The following LMBR1 variants were observed in gnomAD, a reference collection of about 807,000 sequenced individuals.
LMBR1 encodes limb development membrane protein 1, also known as limb region 1 protein homolog.
In LMBR1, 52 loss-of-function variants were observed where a neutral mutation model predicts 73.9. The ratio of observed to expected loss-of-function variants is 0.70; its 90% CI spans 0.56 to 0.89. The LOEUF (loss-of-function observed/expected upper bound fraction) is 0.89, where lower values mean the gene tolerates loss of function less well. Ranked by LOEUF, LMBR1 falls within the 40% of genes least tolerant of loss-of-function variation. LMBR1 has a pLI of 0.00. For missense variants in LMBR1, 539 were observed against 579.8 expected, an observed-to-expected ratio of 0.93 and a Z score of 0.72; for synonymous variants, 215 against 209.4, an observed-to-expected ratio of 1.03 and a Z score of -0.23.
chr7:156,776,749 C>T (rs1187995018), intron 5 of LMBR1, among the ~76,000 whole-genome samples: 2 of 152,126 alleles, frequency 1.3e-5, no homozygotes, highest in Non-Finnish European at 2.9e-5. Flanking sequence ...GAACCTTTGG[C>T]TTCCACCAGG....
intron 6 of LMBR1, 113 bp downstream of exon 6, chr7:156,763,556 A>C (rs748026164): frequency 8.3e-6 from 7 of 843,094 alleles, no homozygotes; most frequent in Non-Finnish European, 1.2e-5. Flanking sequence ...AATTAACATC[A>C]AACATCTTTG....
intron 4 of LMBR1, among the ~76,000 whole-genome samples, chr7:156,800,847 A>G (rs1830841818): frequency 6.6e-6 from 1 of 152,192 alleles, no homozygotes; most frequent in Non-Finnish European, 1.5e-5. Flanking sequence ...ATGTCAGTGG[A>G]GAAAGTCTCT....
Position 156,725,813 on chromosome 7 carries a change from G to A in LMBR1, c.1018C>T (p.Leu340Phe), listed in dbSNP as rs1463636730. 10 of 1,613,586 alleles carry A rather than the reference G, an allele frequency of 6.2e-6. No homozygotes were observed. Among genetic ancestry groups the A allele is most frequent in the Non-Finnish European group, 8.5e-6 (10 of 1,179,766 alleles). Residue 340 changes from leucine (L) to phenylalanine (F), a missense_variant, in exon 13 of 17, where the codon CTT becomes TTT. Physicochemically the swap from Leu to Phe is conservative, Grantham distance 22 (BLOSUM62 0). This residue lies in a region of LMBR1 where 454 missense variants were observed against 473.4 expected (regional missense o/e 0.96). Coordinates refer to ENST00000353442, the MANE Select transcript of LMBR1 (RefSeq NM_022458.4). The part of the protein sequence containing the change: ...TRGPGIGNAS[L>F]STFGFVGAAL... ...GCTCCCACAAAACCAAACGTAGAAA[G>A]AGAGGCATTTCCTATTCCAGGCCCC...
chr7:156,761,127 A>G (rs1197326467), intron 8 of LMBR1, among the ~76,000 whole-genome samples: 2 of 152,232 alleles, frequency 1.3e-5, no homozygotes, highest in Non-Finnish European at 2.9e-5. Flanking sequence ...AAGTTCGCTC[A>G]TGAGCTAGAG....
intron 1 of LMBR1, among the ~76,000 whole-genome samples, chr7:156,839,347 C>A (rs1838235760): frequency 6.6e-6 from 1 of 152,072 alleles, no homozygotes; most frequent in African/African-American, 2.4e-5. Context: ...CTGTGCCCAG[C>A]CGCCCATTTT....
Position 156,725,843 on chromosome 7 carries a change from G to A in LMBR1, c.994-6C>T. ...GCATTTCCTATTCCAGGCCCCTGGG[G>A]TGGGAGAAAGACACTTTTCAGAATT... On this transcript the variant is annotated splice_polypyrimidine_tract_variant and splice_region_variant and intron_variant, in intron 12 of 16. Coordinates refer to ENST00000353442, the MANE Select transcript of LMBR1 (RefSeq NM_022458.4). The A allele has an allele frequency of 6.2e-7, 1 of 1,610,238 alleles. No individual in the cohort carries two copies. The highest frequency in any genetic ancestry group is 8.5e-7 in the Non-Finnish European group (1 of 1,178,136).
chr7:156,774,675 T>C (rs1047010132), intron 5 of LMBR1, among the ~76,000 whole-genome samples: 7 of 152,002 alleles, frequency 4.6e-5, no homozygotes, highest in African/African-American at 1.7e-4. Context: ...CTACTAAAAA[T>C]ACACAAATTA....
chr7:156,784,153 G>C (rs1372471020), intron 5 of LMBR1, among the ~76,000 whole-genome samples: 3 of 152,032 alleles, frequency 2.0e-5, no homozygotes, highest in Non-Finnish European at 4.4e-5. Context: ...AAATCCCCTA[G>C]ATAATATATT....
chr7:156,771,085 A>T (rs534526379), intron 5 of LMBR1, among the ~76,000 whole-genome samples: 2 of 152,230 alleles, frequency 1.3e-5, no homozygotes, highest in African/African-American at 4.8e-5. Flanking sequence ...TAGAAATATG[A>T]AAAAAATGTA....
At chr7:156,688,261 G>T in intron 15 of LMBR1, 70 bp from the exon 16 acceptor site, 1 of 1,073,892 alleles carries the variant, frequency 9.3e-7, no homozygotes, top group Non-Finnish European at 1.3e-6. Flanking sequence ...TACAAGTAAA[G>T]TACAAGTTAG....
rs535884340 is a variant in LMBR1, at chr7:156,815,980, C to T, written c.319+10625G>A. Among the ~76,000 whole-genome samples the T allele has an allele frequency of 1.9e-4, 28 of 151,024 alleles. No homozygotes were observed. The South Asian group carries it at 2.8e-3, about 15-fold the overall frequency. Reference sequence around the variant, plus strand: ...CTATTGTTATTGATCCATAAACATACATGCTTCCAGAATTTATCTTTCTAA... The same window carrying T: ...CTATTGTTATTGATCCATAAACATATATGCTTCCAGAATTTATCTTTCTAA... On this transcript the variant is annotated intron_variant, in intron 4 of 16. Coordinates refer to ENST00000353442, the MANE Select transcript of LMBR1 (RefSeq NM_022458.4).
rs1383072285 is a variant in LMBR1 at position 156,681,306 on chromosome 7, G to A, written c.*2772C>T. ...CCTTTAACACATCTGAGAGCAAAAC[G>A]CGAGAGGCTCCGTCCATCTCTACTA... On this transcript the variant is annotated 3_prime_UTR_variant, in exon 17 of 17. Coordinates refer to ENST00000353442, the MANE Select transcript of LMBR1 (RefSeq NM_022458.4). 2.7e-6 allele frequency: 1 copy of A among 376,988 alleles called. No homozygotes were observed. Among genetic ancestry groups the A allele is most frequent in the Non-Finnish European group, 5.1e-6 (1 of 196,026 alleles). The allele number at this position is 376,988 out of a possible 1,614,324, so 23.4% of individuals were successfully genotyped here.
intron 15 of LMBR1, among the ~76,000 whole-genome samples, chr7:156,706,382 C>T (rs1263917401): frequency 6.6e-6 from 1 of 152,132 alleles, no homozygotes; most frequent in East Asian, 1.9e-4. Flanking sequence ...CAAAGAAACA[C>T]TGTACTTGGT....
chr7:156,832,005 C>A (rs1285882873), intron 3 of LMBR1, among the ~76,000 whole-genome samples: 2 of 152,128 alleles, frequency 1.3e-5, no homozygotes, highest in Non-Finnish European at 2.9e-5. Context: ...TTTAAAGGAG[C>A]TCTAATTTAT....
intron 5 of LMBR1, among the ~76,000 whole-genome samples, chr7:156,791,907 C>A (rs1829293660): frequency 6.6e-6 from 1 of 152,150 alleles, no homozygotes; most frequent in South Asian, 2.1e-4. Context: ...CCAGAAAAAT[C>A]TTGGGTTTAT....
intron 15 of LMBR1, among the ~76,000 whole-genome samples, chr7:156,696,642 G>A (rs1449898760): frequency 2.6e-5 from 4 of 152,136 alleles, no homozygotes; most frequent in African/African-American, 9.7e-5. Context: ...CAGATCTTGT[G>A]AGACTTATTC....
chr7:156,835,879 C>T (rs947881625), intron 2 of LMBR1, among the ~76,000 whole-genome samples: 1 of 152,202 alleles, frequency 6.6e-6, no homozygotes, highest in African/African-American at 2.4e-5. Context: ...CCTCTAATTT[C>T]ACTTAGAATG....
chr7:156,745,380 T>C (rs997285118), intron 9 of LMBR1, among the ~76,000 whole-genome samples: 1 of 152,218 alleles, frequency 6.6e-6, no homozygotes, highest in Non-Finnish European at 1.5e-5. Context: ...AATTTTTCTC[T>C]ATCCACCTCT....
chr7:156,882,765 G>A (rs145451813), intron 1 of LMBR1, among the ~76,000 whole-genome samples: 42 of 152,328 alleles, frequency 2.8e-4, no homozygotes, highest in South Asian at 6.2e-4. Flanking sequence ...GGGCGCAGTG[G>A]CTCACGCCTG....
Sources: gnomAD v4.1 joint callset for allele counts (sites outside exome capture counted in the v4.1 genomes callset) on GRCh38, gnomAD v4.1.1 for gene constraint, gnomAD v4.1.1 regional missense constraint, MANE v1.5 for transcripts, NCBI Gene and HGNC (gene_info 2026-07-23, HGNC 2026-07-21) for gene names.